Variants in KIF1A observed in about 807,000 individuals in gnomAD.
The protein encoded by KIF1A is kinesin-like protein KIF1A.
Under a neutral mutation model 227.3 loss-of-function variants are expected in KIF1A, and 46 were observed. That is an observed-to-expected ratio of 0.20 (90% CI 0.16 to 0.26). The LOEUF (loss-of-function observed/expected upper bound fraction) is 0.26, where lower values mean the gene tolerates loss of function less well. KIF1A is among the 10% of genes least tolerant of loss of function. The pLI is 1.00. For synonymous variants in KIF1A, 1,022 were observed against 1,012.8 expected (o/e 1.01, Z -0.17); for missense variants, 1,683 against 2,485.9 (o/e 0.68, Z 6.87).
At chr2:240,771,683 A>T (rs1422685891) in intron 14 of KIF1A, among the ~76,000 whole-genome samples, 2 of 151,640 alleles carry the variant, frequency 1.3e-5, no homozygotes, top group African/African-American at 4.9e-5. Context: ...GGGACACCAC[A>T]CACCCCCGAG....
chr2:240,787,809 A>G (rs1476743420), intron 4 of KIF1A, among the ~76,000 whole-genome samples: 1 of 152,194 alleles, frequency 6.6e-6, no homozygotes, highest in East Asian at 1.9e-4. Context: ...TCTTAGGCAC[A>G]TGATCAAGGT....
In KIF1A at chr2:240,752,605, T is replaced by C. The variant is rs938732549; in HGVS notation, c.2859-2058A>G. ...CGCCAGACAGCACGGCTCTTCCCCG[T>C]GGCTGGCGCACCACACTGGGGGAGA... On this transcript the variant is annotated intron_variant, in intron 27 of 48. Coordinates refer to ENST00000498729, the MANE Select transcript of KIF1A (RefSeq NM_001244008.2). The surrounding 1 kb of genome is among the most constrained non-coding windows in gnomAD (Gnocchi z 6.4). Among the ~76,000 whole-genome samples the C allele has an allele frequency of 5.3e-5, 8 of 152,078 alleles. No individual in the cohort carries two copies. The highest frequency in any genetic ancestry group is 1.9e-4 in the African/African-American group (8 of 41,410).
At chr2:240,804,401 C>T (rs1042287376) in intron 1 of KIF1A, among the ~76,000 whole-genome samples, 1 of 152,068 alleles carries the variant, frequency 6.6e-6, no homozygotes, top group Non-Finnish European at 1.5e-5. Context: ...AAATAACAAA[C>T]ATCAGAAGAA....
At chr2:240,806,288 A>G (rs1437931404) in intron 1 of KIF1A, among the ~76,000 whole-genome samples, 1 of 152,242 alleles carries the variant, frequency 6.6e-6, no homozygotes, top group Non-Finnish European at 1.5e-5. Flanking sequence ...AAGTCCAGAA[A>G]TTTGCACCGG....
rs575499772 is a variant in KIF1A at position 240,738,849 on chromosome 2, T to C, written c.3901+1209A>G. Among the ~76,000 whole-genome samples the C allele has an allele frequency of 2.5e-4, 38 of 152,350 alleles. No homozygotes were observed. The South Asian group carries it at 7.2e-3, about 29-fold the overall frequency. ...GATCCAGCTTCCCCTCTTCCTTCTC[T>C]CCTGTCTGCCTTGAGGGAAGTGAGA... On this transcript the variant is annotated intron_variant, in intron 37 of 48. Transcript: ENST00000498729.
At position 240,745,455 on chromosome 2, in the gene KIF1A, G is replaced by T. The variant is rs771807330; in HGVS notation, c.3437C>A (p.Pro1146His). 2 of 1,613,748 alleles carry T rather than the reference G, an allele frequency of 1.2e-6. No homozygotes were observed. Among genetic ancestry groups the T allele is most frequent in the South Asian group, 2.2e-5 (2 of 91,068 alleles). ...TEPLKNTGRG[P>H]PLGFYHVQNI... The stretch of plus-strand genomic sequence containing the variant: ...CTGGACGTGGTAGAAGCCAAGTGGG[G>T]GGCCTCTGCCTGTGTTCTTCAGGGG... Residue 1146 changes from proline (P) to histidine (H), a missense_variant, in exon 32 of 49, where the codon CCC (proline) becomes CAC (histidine). Around this residue, in one of 12 missense-constraint regions of KIF1A, gnomAD observed 759 missense variants for 1,020.2 expected, o/e 0.74. Coordinates refer to ENST00000498729, the MANE Select transcript of KIF1A (RefSeq NM_001244008.2).
Position 240,766,998 on chromosome 2 carries a change from C to T in KIF1A, c.1601G>A (p.Arg534Lys). ...CCCACTCAGAACAATGTCCTGCCGCCTCTCGCCATCCTCCCTGCCCACTCT... is the reference window on the plus strand; with the variant it reads ...CCCACTCAGAACAATGTCCTGCCGCTTCTCGCCATCCTCCCTGCCCACTCT... The part of the protein sequence containing the change: ...ITRVGREDGE[R>K]RQDIVLSGHF... The change falls in exon 19 of 49, where the codon AGG becomes AAG. Residue 534 changes from arginine (R) to lysine (K), a missense_variant. Around this residue, in one of 12 missense-constraint regions of KIF1A, gnomAD observed 217 missense variants for 427.0 expected, o/e 0.51. Coordinates refer to ENST00000498729, the MANE Select transcript of KIF1A (RefSeq NM_001244008.2). The surrounding 1 kb of genome is among the most constrained non-coding windows in gnomAD (Gnocchi z 5.0). The T allele has an allele frequency of 1.9e-6, 3 of 1,611,704 alleles. No individual in the cohort carries two copies. The highest frequency in any genetic ancestry group is 2.5e-6 in the Non-Finnish European group (3 of 1,179,254).
At chr2:240,779,092 CCTCA>C (rs1417698233) in intron 10 of KIF1A, among the ~76,000 whole-genome samples, 1 of 151,286 alleles carries the variant, frequency 6.6e-6, no homozygotes, top group South Asian at 2.1e-4. Flanking sequence ...ACACTCAGTT[CCTCA>C]CTCACTTCCT....
At chr2:240,744,135 T>A in intron 32 of KIF1A, 75 bp from the exon 33 acceptor site, 1 of 1,021,632 alleles carries the variant, frequency 9.8e-7, no homozygotes, top group Non-Finnish European at 1.5e-6. Context: ...GTCACATCAG[T>A]GAGCTAAGCG....
chr2:240,783,345 T>C (rs1381137878), intron 8 of KIF1A, among the ~76,000 whole-genome samples: 1 of 152,136 alleles, frequency 6.6e-6, no homozygotes, highest in East Asian at 1.9e-4. Flanking sequence ...TATCATCCCA[T>C]GTCCCCCTGA....
chr2:240,762,874 G>A (rs1227732430), intron 22 of KIF1A, 62 bp from the exon 23 acceptor site: 33 of 1,473,436 alleles, frequency 2.2e-5, no homozygotes, highest in South Asian at 8.7e-5. Context: ...CTCACACTGC[G>A]CCTAGACAGT....
intron 1 of KIF1A, among the ~76,000 whole-genome samples, chr2:240,815,455 G>A (rs1277067986): frequency 6.6e-6 from 1 of 152,164 alleles, no homozygotes; most frequent in Non-Finnish European, 1.5e-5. Flanking sequence ...CCCCACGGGA[G>A]GCCCAGAGGG....
chr2:240,795,922 G>T (rs1286615990), intron 2 of KIF1A, among the ~76,000 whole-genome samples: 1 of 152,198 alleles, frequency 6.6e-6, no homozygotes, highest in Non-Finnish European at 1.5e-5. Context: ...TGCTCGACGG[G>T]TCTGGTTCTT....
rs765474749 is a variant in KIF1A, at chr2:240,719,085, T to C, written c.5135A>G (p.Lys1712Arg). 1.9e-6 allele frequency: 3 copies of C among 1,612,694 alleles called. No homozygotes were observed. The highest frequency in any genetic ancestry group is 2.5e-6 in the Non-Finnish European group (3 of 1,179,786). Reference sequence around the variant, plus strand: ...GAGCACGAACCGCTCCACGGTGTCCTTGTCGCTGTTGTACATGTAGGCATA... The same window carrying C: ...GAGCACGAACCGCTCCACGGTGTCCCTGTCGCTGTTGTACATGTAGGCATA... ...RPYAYMYNSD[K>R]DTVERFVLNL... is the part of the protein sequence containing the mutation. Residue 1712 changes from lysine (K) to arginine (R), a missense_variant, in exon 47 of 49, where the codon AAG becomes AGG. Lys to Arg is a conservative substitution (Grantham distance 26, BLOSUM62 2). Transcript: ENST00000498729.
chr2:240,725,257 C>T lies in KIF1A; in HGVS notation c.4256+14G>A, dbSNP rs1422904058. On this transcript the variant is annotated intron_variant, in intron 40 of 48. Transcript: ENST00000498729. This position sits in a 1 kb window ranked among gnomAD's most constrained non-coding sequence, Gnocchi z 5.8. Reference sequence around the variant, plus strand: ...GGGTGGGAGTCCATGTGGTCCTCACCCCTGGGAGCTTACCTCTCTGAGGCC... The same window carrying T: ...GGGTGGGAGTCCATGTGGTCCTCACTCCTGGGAGCTTACCTCTCTGAGGCC... The T allele has an allele frequency of 5.0e-6, 8 of 1,589,352 alleles. No homozygotes were observed. The highest frequency in any genetic ancestry group is 2.3e-5 in the East Asian group (1 of 43,442).
chr2:240,735,628 T>G lies in KIF1A; in HGVS notation c.4007+1435A>C, dbSNP rs1274460737. Among the ~76,000 whole-genome samples the G allele has an allele frequency of 2.0e-5, 3 of 151,326 alleles. No individual in the cohort carries two copies. In the East Asian group the frequency reaches 5.9e-4, roughly 30 times the overall value. ...ACCCGCCCTTCCGGGCCCCACCCCC[T>G]ACTCCAATTCCTGGTCCCCCATGGC... On this transcript the variant is annotated intron_variant, in intron 38 of 48. Transcript: ENST00000498729.
At chr2:240,782,100 A>G (rs2054112776) in intron 10 of KIF1A, 2 of 985,150 alleles carry the variant, frequency 2.0e-6, no homozygotes, top group Non-Finnish European at 2.4e-6. Context: ...GGTTCCTCAC[A>G]CAGTCCCCAG....
intron 10 of KIF1A, among the ~76,000 whole-genome samples, chr2:240,779,474 ACTCAGTTCCTCACT>A (rs2053282329): frequency 7.2e-6 from 1 of 139,708 alleles, no homozygotes; most frequent in African/African-American, 2.9e-5. Context: ...TCAGTTCCTC[ACTCAGTTCCTCACT>A]CAGTTCCACA....
rs542793942 is a variant in KIF1A at position 240,775,531 on chromosome 2, A to G, written c.958+320T>C. ...GGTCCCCGTGACTGATGGGGAAACC[A>G]AGGCCCAGAGAAGGATGAGTACTTG... On this transcript the variant is annotated intron_variant, in intron 11 of 48. Coordinates refer to ENST00000498729, the MANE Select transcript of KIF1A (RefSeq NM_001244008.2). The surrounding 1 kb of genome is among the most constrained non-coding windows in gnomAD (Gnocchi z 5.5). 2.6e-5 allele frequency among the ~76,000 whole-genome samples: 4 copies of G among 152,304 alleles called. No homozygotes were observed. The South Asian group carries it at 8.3e-4, about 32-fold the overall frequency.
Sources: gnomAD v4.1 joint callset for allele counts (sites outside exome capture counted in the v4.1 genomes callset) on GRCh38, gnomAD v4.1.1 for gene constraint, gnomAD v4.1.1 regional missense constraint, Gnocchi (gnomAD v3.1) non-coding constraint, MANE v1.5 for transcripts, NCBI Gene and HGNC (gene_info 2026-07-23, HGNC 2026-07-21) for gene names.